The following PTPRK variants were observed in gnomAD, a reference collection of about 807,000 sequenced individuals.
PTPRK encodes the protein receptor-type tyrosine-protein phosphatase kappa.
PTPRK carries 75 observed loss-of-function variants against 178.0 expected under a neutral mutation model. The observed-to-expected ratio is 0.42, with a 90% CI of 0.35 to 0.51. The LOEUF (loss-of-function observed/expected upper bound fraction) is 0.51. Ranked by LOEUF, PTPRK falls within the 20% of genes least tolerant of loss-of-function variation. PTPRK has a pLI of 0.02. For missense variants in PTPRK, 1,441 were observed against 1,797.8 expected (o/e 0.80, Z 3.59); for synonymous variants, 637 against 620.6 (o/e 1.03, Z -0.39).
intron 25 of PTPRK, among the ~76,000 whole-genome samples, chr6:127,977,316 C>A (rs1440522491): frequency 2.0e-5 from 3 of 152,142 alleles, no homozygotes; most frequent in African/African-American, 7.2e-5. Flanking sequence ...TTTTACTTTA[C>A]TGAAAGACGT....
intron 1 of PTPRK, among the ~76,000 whole-genome samples, chr6:128,429,197 A>C (rs1317975469): frequency 6.6e-6 from 1 of 152,340 alleles, no homozygotes; most frequent in Non-Finnish European, 1.5e-5. Flanking sequence ...GGACAGGAAC[A>C]CATGACCGTA....
intron 13 of PTPRK, among the ~76,000 whole-genome samples, chr6:128,059,614 A>C (rs76819824): frequency 0.015 from 2,249 of 152,232 alleles, 65 homozygotes; most frequent in African/African-American, 0.052. Flanking sequence ...CACAGTTAAC[A>C]CTGACAGTTT....
At position 127,981,263 on chromosome 6, in the gene PTPRK, T is replaced by C. The variant is rs1281248532; in HGVS notation, c.3564A>G (p.Leu1188=). ...FQTLNSVTPR[L]QAEDCSIACL... is the part of the protein sequence containing the mutation. ...ACGCTATACTGCAGTCTTCAGCTTGTAGTCGAGGGGTGACTGAATTCAGAG... is the reference window on the plus strand; with the variant it reads ...ACGCTATACTGCAGTCTTCAGCTTGCAGTCGAGGGGTGACTGAATTCAGAG... Residue 1188 remains leucine (L), a synonymous_variant, in exon 25 of 30, where the codon CTA becomes CTG. Coordinates refer to ENST00000368226, the MANE Select transcript of PTPRK (RefSeq NM_002844.4). The C allele has an allele frequency of 1.9e-6, 3 of 1,613,790 alleles. No homozygotes were observed. The highest frequency in any genetic ancestry group is 1.3e-5 in the African/African-American group (1 of 74,976).
chr6:128,039,074 TA>T (rs1361056797), intron 13 of PTPRK, among the ~76,000 whole-genome samples: 1 of 152,184 alleles, frequency 6.6e-6, no homozygotes, highest in Non-Finnish European at 1.5e-5. Context: ...TTAAAATGTA[TA>T]CATATTATAT....
At chr6:128,444,636 T>C (rs1431332770) in intron 1 of PTPRK, among the ~76,000 whole-genome samples, 1 of 152,142 alleles carries the variant, frequency 6.6e-6, no homozygotes, top group Non-Finnish European at 1.5e-5. Flanking sequence ...GTAACAAATT[T>C]AGAGTAATGA....
intron 21 of PTPRK, among the ~76,000 whole-genome samples, chr6:127,989,176 T>C (rs572958635): frequency 6.6e-6 from 1 of 152,240 alleles, no homozygotes; most frequent in Non-Finnish European, 1.5e-5. Context: ...CATTGATTTT[T>C]ACAAGACTTG....
chr6:128,192,910 G>A (rs1463982806), intron 6 of PTPRK, among the ~76,000 whole-genome samples: 1 of 148,308 alleles, frequency 6.7e-6, no homozygotes, highest in Non-Finnish European at 1.5e-5. Flanking sequence ...GGGAGGAAGA[G>A]AAGAAGGGAG....
Position 127,979,876 on chromosome 6 carries a change from C to T in PTPRK, c.3711+1240G>A, listed in dbSNP as rs148733455. 1.8e-4 allele frequency among the ~76,000 whole-genome samples: 28 copies of T among 152,328 alleles called. No homozygotes were observed. In the East Asian group the frequency reaches 5.2e-3, roughly 28 times the overall value. Reference sequence around the variant, plus strand: ...ATTATAAACCATGATAGCTTTCTTGCTTCTTTCCAACATAATCAAAGTAAA... The same window carrying T: ...ATTATAAACCATGATAGCTTTCTTGTTTCTTTCCAACATAATCAAAGTAAA... On this transcript the variant is annotated intron_variant, in intron 25 of 29. Coordinates refer to ENST00000368226, the MANE Select transcript of PTPRK (RefSeq NM_002844.4).
chr6:128,286,187 C>G (rs960144075), intron 3 of PTPRK, among the ~76,000 whole-genome samples: 3 of 152,150 alleles, frequency 2.0e-5, no homozygotes, highest in Non-Finnish European at 4.4e-5. Flanking sequence ...TTCAGCCACT[C>G]TACTAGGTGA....
chr6:128,170,949 T>C (rs1800155102), intron 7 of PTPRK, among the ~76,000 whole-genome samples: 1 of 151,034 alleles, frequency 6.6e-6, no homozygotes, highest in South Asian at 2.1e-4. Flanking sequence ...GTGATGCATA[T>C]GGATACACGT....
At position 128,083,732 on chromosome 6, in the gene PTPRK, T is replaced by C. The variant is rs1205850168; in HGVS notation, c.1558A>G (p.Ile520Val). The C allele has an allele frequency of 6.3e-7, 1 of 1,596,844 alleles. No homozygotes were observed. The highest frequency in any genetic ancestry group is 1.7e-5 in the Admixed American group (1 of 59,206). Residue 520 changes from isoleucine (I) to valine (V), a missense_variant, in exon 9 of 30, where the codon ATC (isoleucine) becomes GTC (valine). Physicochemically the swap from Ile to Val is conservative, Grantham distance 29. Transcript: ENST00000368226. ...CCCAATACCTCATATTGAGTGATGA[T>C]TCCATTTGGATCCAAAGGTTCTTTC... ...NWKEPLDPNG[I>V]ITQYEISYSS...
Position 127,970,179 on chromosome 6 carries a change from T to C in PTPRK, c.*48A>G, listed in dbSNP as rs376668164. 2.3e-5 allele frequency: 34 copies of C among 1,477,330 alleles called. No homozygotes were observed. Among genetic ancestry groups the C allele is most frequent in the Middle Eastern group, 1.7e-4 (1 of 5,782 alleles). The allele number at this position is 1,477,330 out of a possible 1,614,324, so 91.5% of individuals were successfully genotyped here. A position where few individuals can be genotyped will look rare whatever the true frequency, so the allele number is the denominator to read the frequency against. ...ACAGGTACAACAGCTGCTGGCTCAA[T>C]AGATGGACAGGTTTCTTCATGGATG... On this transcript the variant is annotated 3_prime_UTR_variant, in exon 30 of 30. Coordinates refer to ENST00000368226, the MANE Select transcript of PTPRK (RefSeq NM_002844.4).
intron 1 of PTPRK, among the ~76,000 whole-genome samples, chr6:128,456,196 T>C (rs1462375861): frequency 6.6e-6 from 1 of 151,930 alleles, no homozygotes; most frequent in African/African-American, 2.4e-5. Flanking sequence ...TATGAGATCA[T>C]AACAAGATTT....
At chr6:128,112,906 C>T (rs1790903387) in intron 7 of PTPRK, among the ~76,000 whole-genome samples, 1 of 152,110 alleles carries the variant, frequency 6.6e-6, no homozygotes, top group South Asian at 2.1e-4. Context: ...CTGAATTCAT[C>T]TTTCCTATCT....
chr6:128,139,129 C>A (rs896678484), intron 7 of PTPRK, among the ~76,000 whole-genome samples: 5 of 152,086 alleles, frequency 3.3e-5, no homozygotes, highest in South Asian at 4.2e-4. Context: ...AGTTTATGAT[C>A]TGGTCAGAAA....
At chr6:127,993,940 C>T (rs1019817296) in intron 18 of PTPRK, among the ~76,000 whole-genome samples, 1 of 151,594 alleles carries the variant, frequency 6.6e-6, no homozygotes, top group African/African-American at 2.4e-5. Context: ...AACAAGGCTC[C>T]AGTGTACAAG....
chr6:128,472,535 C>A (rs1342073373), intron 1 of PTPRK, among the ~76,000 whole-genome samples: 1 of 151,342 alleles, frequency 6.6e-6, no homozygotes, highest in Non-Finnish European at 1.5e-5. Context: ...TCCTGAATAT[C>A]CCTTACCCAA....
chr6:127,980,154 C>CA (rs1775129401), intron 25 of PTPRK, among the ~76,000 whole-genome samples: 1 of 152,054 alleles, frequency 6.6e-6, no homozygotes, highest in Non-Finnish European at 1.5e-5. Context: ...CTACTAAATA[C>CA]AAAAAATTAG....
At chr6:128,239,125 G>GTTTTTTTT (rs71833785) in intron 5 of PTPRK, among the ~76,000 whole-genome samples, 1 of 98,780 alleles carries the variant, frequency 1.0e-5, no homozygotes. Context: ...AACTCATCTT[G>GTTTTTTTT]TTTTTTTTTT....
Sources: allele counts gnomAD v4.1 joint callset (sites outside exome capture counted in the v4.1 genomes callset), GRCh38; gene constraint gnomAD v4.1.1; transcripts MANE v1.5; gene names NCBI Gene and HGNC (gene_info 2026-07-23, HGNC 2026-07-21).